Variants in MGAM observed in about 807,000 individuals in gnomAD.
MGAM encodes maltase-glucoamylase.
In MGAM, 253 loss-of-function variants were observed where a neutral mutation model predicts 358.8. That is an observed-to-expected ratio of 0.71 (90% confidence interval 0.64 to 0.78). The LOEUF is 0.78. Among genes scored for constraint, MGAM ranks in the 30% least tolerant of loss-of-function variants. The probability of loss-of-function intolerance (pLI) is 0.00; values close to 1 mark genes in which losing one functional copy is unlikely to be tolerated. For missense variants in MGAM, 3,080 were observed against 3,432.6 expected, an observed-to-expected ratio of 0.90 and a Z score of 2.57; for synonymous variants, 1,105 against 1,227.1, an observed-to-expected ratio of 0.90 and a Z score of 2.08.
chr7:142,034,227 T>G lies in MGAM; in HGVS notation c.1670-35T>G, dbSNP rs782260687. ...GTCAAGGAGCAGAAAATGTGCAACT[T>G]AGGCTCTCACTGATTGATCCTGCTT... is the stretch of plus-strand genomic sequence containing the variant. On this transcript the variant is annotated intron_variant, in intron 14 of 70. Coordinates refer to ENST00000475668, the MANE Select transcript of MGAM (RefSeq NM_001365693.1). 6.2e-6 allele frequency: 9 copies of G among 1,457,650 alleles called. No homozygotes were observed. The African/African-American group carries it at 9.8e-5, about 16-fold the overall frequency. The allele number at this position is 1,457,650 out of a possible 1,614,324, so 90.3% of individuals were successfully genotyped here.
Position 142,027,223 on chromosome 7 carries a change from TA to T in MGAM, c.1092del (p.Glu365SerfsTer26), listed in dbSNP as rs1554461274. 1.9e-6 allele frequency: 3 copies of T among 1,604,878 alleles called. No homozygotes were observed. In the African/African-American group the frequency reaches 4.0e-5, roughly 21 times the overall value. On this transcript the variant is annotated frameshift_variant, in exon 9 of 71. Transcript: ENST00000475668. LOFTEE classifies it high-confidence loss of function. ...CCAGAGCAAGTTGTTCAAGAATATC[TA>T]GAGGTAAACTTAGGATGTCAAGATT... ...NTPEQVVQEYLELIGRPALPS... is the reference protein window; with the variant it reads ...NTPEQVVQEYXELIGRPALPS...
intron 47 of MGAM, among the ~76,000 whole-genome samples, chr7:142,077,200 T>C (rs142413463): frequency 0.059 from 8,530 of 145,612 alleles, 958 homozygotes; most frequent in African/African-American, 0.13. Context: ...TAAGAATTGG[T>C]ATTTGAAAAA....
intron 4 of MGAM, among the ~76,000 whole-genome samples, chr7:142,019,970 G>A (rs1554457865): frequency 6.6e-6 from 1 of 152,076 alleles, no homozygotes; most frequent in East Asian, 1.9e-4. Flanking sequence ...TCAGGAGGCT[G>A]AGCCAGGAGA....
intron 44 of MGAM, among the ~76,000 whole-genome samples, 169 bp from the exon 45 acceptor site, chr7:142,073,916 G>T (rs1353906977): frequency 6.8e-6 from 1 of 146,194 alleles, no homozygotes; most frequent in African/African-American, 2.4e-5. Context: ...CTGTGACACT[G>T]TTGATATTAT....
At chr7:142,063,212 A>T (rs1359537334) in intron 35 of MGAM, among the ~76,000 whole-genome samples, 1 of 103,888 alleles carries the variant, frequency 9.6e-6, no homozygotes, top group Non-Finnish European at 2.4e-5. Context: ...ATGAAAAACA[A>T]AACCAAAAAA....
In MGAM at chr7:142,084,764, T is replaced by TCACAGTTAGCCTCACCCCAG. The variant is rs527535644; in HGVS notation, c.6507+127_6507+146dup. The stretch of plus-strand genomic sequence containing the variant: ...ACATAATGTTCTTTTTCAGACAATA[T>TCACAGTTAGCCTCACCCCAG]CACAGTTAGCCTCACCCCAGCACAG... On this transcript the variant is annotated intron_variant, in intron 54 of 70. Coordinates refer to ENST00000475668, the MANE Select transcript of MGAM (RefSeq NM_001365693.1). 4.6e-5 allele frequency: 62 copies of TCACAGTTAGCCTCACCCCAG among 1,333,468 alleles called. 5 individuals are homozygous for TCACAGTTAGCCTCACCCCAG. In the South Asian group the frequency reaches 7.0e-4, roughly 15 times the overall value. 82.6% of individuals were successfully genotyped at this position (1,333,468 alleles called of 1,614,324 possible). A position where few individuals can be genotyped will look rare whatever the true frequency, so the allele number is the denominator to read the frequency against.
chr7:142,012,430 T>C (rs1363216220), intron 3 of MGAM, among the ~76,000 whole-genome samples: 1 of 152,156 alleles, frequency 6.6e-6, no homozygotes, highest in Non-Finnish European at 1.5e-5. Flanking sequence ...GGAGGCTTCA[T>C]GGCCTAATCA....
At position 142,095,556 on chromosome 7, in the gene MGAM, C is replaced by G. The variant is rs780556603; in HGVS notation, c.7459-9C>G. The G allele has an allele frequency of 3.3e-5, 54 of 1,612,746 alleles. 1 individual carries two copies. In the Admixed American group the frequency reaches 9.0e-4, roughly 27 times the overall value. On this transcript the variant is annotated splice_polypyrimidine_tract_variant and intron_variant, in intron 63 of 70. Transcript: ENST00000475668. ...GCAAGCTCCCAACACTGTTCTCTTT[C>G]TCCTTTAGAGACAAGACCCTGTGTC...
intron 19 of MGAM, among the ~76,000 whole-genome samples, chr7:142,039,068 C>G (rs1202425290): frequency 6.7e-6 from 1 of 149,944 alleles, no homozygotes; most frequent in Non-Finnish European, 1.5e-5. Flanking sequence ...ATAGCAAAAG[C>G]AGGAACAAGA....
chr7:142,056,803 A>C lies in MGAM; in HGVS notation c.3581-27A>C. 1.9e-6 allele frequency: 3 copies of C among 1,610,062 alleles called. No homozygotes were observed. In the Middle Eastern group the frequency reaches 5.6e-4, roughly 299 times the overall value. On this transcript the variant is annotated intron_variant, in intron 29 of 70. Transcript: ENST00000475668. Reference sequence around the variant, plus strand: ...ATTCGTGACATGGAAGGTGTCCGTGAGGCTTGGCATTTTTCTTTATTTTCA... The same window carrying C: ...ATTCGTGACATGGAAGGTGTCCGTGCGGCTTGGCATTTTTCTTTATTTTCA...
chr7:142,037,128 AATCT>A (rs556829106), intron 18 of MGAM, among the ~76,000 whole-genome samples, 151 bp downstream of exon 18: 41 of 152,256 alleles, frequency 2.7e-4, no homozygotes, highest in South Asian at 2.1e-3. Context: ...TATATTCATT[AATCT>A]ATCTATCTAT....
intron 4 of MGAM, 50 bp from the exon 5 acceptor site, chr7:142,020,924 T>A (rs1806389627): frequency 2.4e-6 from 3 of 1,263,804 alleles, no homozygotes; most frequent in Non-Finnish European, 3.5e-6. Context: ...AGCTATTATT[T>A]GAGAATTTGC....
intron 5 of MGAM, 28 bp from the exon 6 acceptor site, chr7:142,021,558 C>G: frequency 6.2e-7 from 1 of 1,606,654 alleles, no homozygotes; most frequent in Non-Finnish European, 8.5e-7. Flanking sequence ...TTTATTTTGG[C>G]TTTCCTTCTA....
chr7:142,017,885 T>C (rs563159264), intron 3 of MGAM, among the ~76,000 whole-genome samples: 6 of 152,102 alleles, frequency 3.9e-5, no homozygotes, highest in Admixed American at 6.6e-5. Flanking sequence ...ACCCAGAGTA[T>C]AGAAAAAAAA....
In MGAM at chr7:142,078,568, C is replaced by G. The variant is rs1302943487; in HGVS notation, c.5646+98C>G. ...GGCACTTATATAACTACTTAAAATC[C>G]ATAGAAAGGACTTCCTAAGGGACAT... On this transcript the variant is annotated intron_variant, in intron 48 of 70. Transcript: ENST00000475668. 15 of 1,245,330 alleles carry G rather than the reference C, an allele frequency of 1.2e-5. 2 individuals carry two copies. The highest frequency in any genetic ancestry group is 1.6e-5 in the Non-Finnish European group (15 of 914,892). The allele number at this position is 1,245,330 out of a possible 1,614,324, so 77.1% of individuals were successfully genotyped here. A position where few individuals can be genotyped will look rare whatever the true frequency, so the allele number is the denominator to read the frequency against.
chr7:142,035,920 G>A lies in MGAM; in HGVS notation c.1960-249G>A, dbSNP rs149602815. Among the ~76,000 whole-genome samples, 311 of 152,180 alleles carry A rather than the reference G, an allele frequency of 2.0e-3. 2 individuals are homozygous for A. The highest frequency in any genetic ancestry group is 6.8e-3 in the African/African-American group (283 of 41,518). The stretch of plus-strand genomic sequence containing the variant: ...TACTTTTATTACCTCATTCATTTAC[G>A]AAATACCTGTGTAGTAATTTAGTAC... On this transcript the variant is annotated intron_variant, in intron 16 of 70. Coordinates refer to ENST00000475668, the MANE Select transcript of MGAM (RefSeq NM_001365693.1).
intron 45 of MGAM, among the ~76,000 whole-genome samples, chr7:142,074,961 T>A (rs10952513): frequency 1.4e-5 from 2 of 144,950 alleles, no homozygotes; most frequent in South Asian, 2.2e-4. Context: ...CTTATTCATC[T>A]AAGAACTGAA....
chr7:142,021,005 T>C lies in MGAM; in HGVS notation c.480T>C (p.Ser160=). Residue 160 remains serine (S), a synonymous_variant, in exon 5 of 71, where the codon TCT becomes TCC. Coordinates refer to ENST00000475668, the MANE Select transcript of MGAM (RefSeq NM_001365693.1). The part of the protein sequence containing the change: ...GFTARLKNLP[S]SPVFGSNVDN... ...CAGCCCGGTTGAAAAATCTGCCTTC[T>C]TCACCAGTGTTTGGAAGCAATGTTG... 1 of 1,613,696 alleles carries C rather than the reference T, an allele frequency of 6.2e-7. No homozygotes were observed. Among genetic ancestry groups the C allele is most frequent in the Non-Finnish European group, 8.5e-7 (1 of 1,179,712 alleles).
rs1439325600 is a variant in MGAM, at chr7:142,062,009, GCA to G, written c.4123-558_4123-557del. ...TAGAGGAAAATAAAGGGAAGTTGATGCATCCTCTTTAAGTCCTCTCAATTTAT... is the reference window on the plus strand; with the variant it reads ...TAGAGGAAAATAAAGGGAAGTTGATGTCCTCTTTAAGTCCTCTCAATTTAT... On this transcript the variant is annotated intron_variant, in intron 34 of 70. Transcript: ENST00000475668. 3.3e-5 allele frequency among the ~76,000 whole-genome samples: 5 copies of G among 152,218 alleles called. No homozygotes were observed. In the East Asian group the frequency reaches 7.7e-4, roughly 23 times the overall value.
Sources: allele counts gnomAD v4.1 joint callset (sites outside exome capture counted in the v4.1 genomes callset), GRCh38; gene constraint gnomAD v4.1.1; transcripts MANE v1.5; gene names NCBI Gene and HGNC (gene_info 2026-07-23, HGNC 2026-07-21).